The following HTR1F variants were observed in gnomAD, a reference collection of about 807,000 sequenced individuals.
The protein encoded by HTR1F is 5-hydroxytryptamine receptor 1F.
In HTR1F, 17 loss-of-function variants were observed where a neutral mutation model predicts 24.0. The ratio of observed to expected loss-of-function variants is 0.71; its 90% CI spans 0.48 to 1.06. HTR1F has a LOEUF of 1.06. HTR1F is among the 50% of genes least tolerant of loss of function. The pLI, the probability that HTR1F is intolerant of heterozygous loss-of-function variation, is 0.00. For missense variants in HTR1F, 391 were observed against 427.8 expected, an observed-to-expected ratio of 0.91 and a Z score of 0.76; for synonymous variants, 186 against 156.8, an observed-to-expected ratio of 1.19 and a Z score of -1.39.
At chr3:87,793,887 G>A (rs781123272) in intron 1 of HTR1F, among the ~76,000 whole-genome samples, 4 of 151,636 alleles carry the variant, frequency 2.6e-5, no homozygotes, top group Non-Finnish European at 4.4e-5. Context: ...GACATAAGCA[G>A]GTGGCATTAA....
chr3:87,913,245 A>C (rs997173350), intron 2 of HTR1F, among the ~76,000 whole-genome samples: 3 of 152,176 alleles, frequency 2.0e-5, no homozygotes, highest in Non-Finnish European at 4.4e-5. Flanking sequence ...ATTAAAAGAC[A>C]GAAAATAGCC....
At position 87,990,847 on chromosome 3, in the gene HTR1F, T is replaced by G; in HGVS notation, c.98T>G (p.Leu33Arg). 6.2e-7 allele frequency: 1 copy of G among 1,614,230 alleles called. No homozygotes were observed. The highest frequency in any genetic ancestry group is 8.5e-7 in the Non-Finnish European group (1 of 1,180,030). Residue 33 changes from leucine to arginine, a missense_variant, in exon 3 of 3, where the codon CTG becomes CGG. Coordinates refer to ENST00000319595, the MANE Select transcript of HTR1F (RefSeq NM_001322209.2). ...KILVSLTLSG[L>R]ALMTTTINSL... ...CTGGTGTCCCTCACTCTGTCTGGGC[T>G]GGCACTGATGACAACAACTATCAAC...
At position 87,882,515 on chromosome 3, in the gene HTR1F, T is replaced by A. The variant is rs555389265; in HGVS notation, c.-43+60391T>A. ...AATGTGGCACATATACACCATGGAA[T>A]ACTATGCAGCCATAAAGAATGATGA... On this transcript the variant is annotated intron_variant, in intron 2 of 2. Transcript: ENST00000319595. Among the ~76,000 whole-genome samples, 7 of 152,148 alleles carry A rather than the reference T, an allele frequency of 4.6e-5. No individual in the cohort carries two copies. In the East Asian group the frequency reaches 1.2e-3, roughly 25 times the overall value.
chr3:87,987,779 G>C (rs1469454117), intron 2 of HTR1F, among the ~76,000 whole-genome samples: 1 of 126,792 alleles, frequency 7.9e-6, no homozygotes, highest in African/African-American at 3.2e-5. Flanking sequence ...TTTTATATAT[G>C]TATTTTATAT....
intron 2 of HTR1F, among the ~76,000 whole-genome samples, chr3:87,914,072 A>G (rs1179293847): frequency 2.0e-5 from 3 of 152,158 alleles, no homozygotes; most frequent in Non-Finnish European, 4.4e-5. Context: ...GAAGTGGGAA[A>G]GGGAGATGGT....
intron 2 of HTR1F, among the ~76,000 whole-genome samples, chr3:87,962,456 A>G (rs1254116309): frequency 6.6e-6 from 1 of 152,058 alleles, no homozygotes; most frequent in African/African-American, 2.4e-5. Flanking sequence ...AAATTTATGC[A>G]CAACAGAGAC....
chr3:87,879,495 A>C (rs550276551), intron 2 of HTR1F, among the ~76,000 whole-genome samples: 1 of 152,136 alleles, frequency 6.6e-6, no homozygotes, highest in African/African-American at 2.4e-5. Flanking sequence ...TTAGCCAAGA[A>C]TCTGCCCTAG....
At position 87,919,776 on chromosome 3, in the gene HTR1F, T is replaced by C. The variant is rs112918621; in HGVS notation, c.-42-70932T>C. On this transcript the variant is annotated intron_variant, in intron 2 of 2. Coordinates refer to ENST00000319595, the MANE Select transcript of HTR1F (RefSeq NM_001322209.2). ...CACTTCTACACTGCTGGTGGGAATATAAACTATTACAACCACTATGGAGTA... is the reference window on the plus strand; with the variant it reads ...CACTTCTACACTGCTGGTGGGAATACAAACTATTACAACCACTATGGAGTA... 4.5e-3 allele frequency among the ~76,000 whole-genome samples: 685 copies of C among 152,064 alleles called. 1 individual carries two copies. The highest frequency in any genetic ancestry group is 0.016 in the African/African-American group (662 of 41,484).
chr3:87,842,821 G>GA (rs1397224916), intron 2 of HTR1F, among the ~76,000 whole-genome samples: 2 of 151,882 alleles, frequency 1.3e-5, no homozygotes, highest in Admixed American at 1.3e-4. Flanking sequence ...ACTGCCCCAG[G>GA]AAAAAACAGA....
chr3:87,916,514 C>G, intron 2 of HTR1F, among the ~76,000 whole-genome samples: 1 of 151,954 alleles, frequency 6.6e-6, no homozygotes, highest in African/African-American at 2.4e-5. Flanking sequence ...CTCACATAAT[C>G]TTAAAGTAAA....
chr3:87,981,929 G>T (rs570643619), intron 2 of HTR1F, among the ~76,000 whole-genome samples: 92 of 129,966 alleles, frequency 7.1e-4, no homozygotes, highest in Non-Finnish European at 1.2e-3. Context: ...AAATAAGAAT[G>T]CCTTCTTCTT....
chr3:87,986,602 A>G (rs1705666701), intron 2 of HTR1F, among the ~76,000 whole-genome samples: 1 of 152,204 alleles, frequency 6.6e-6, no homozygotes, highest in African/African-American at 2.4e-5. Context: ...CAATTTTGCT[A>G]CATAATTAAC....
At chr3:87,881,047 GGT>G (rs1705783160) in intron 2 of HTR1F, among the ~76,000 whole-genome samples, 2 of 152,168 alleles carry the variant, frequency 1.3e-5, no homozygotes, top group South Asian at 4.1e-4. Context: ...TTCCAACTTA[GGT>G]ACTGGGTTCA....
At chr3:87,926,542 A>G (rs1430203597) in intron 2 of HTR1F, among the ~76,000 whole-genome samples, 3 of 152,180 alleles carry the variant, frequency 2.0e-5, no homozygotes, top group Non-Finnish European at 2.9e-5. Flanking sequence ...ACAAAGCATC[A>G]ATGCCTAATA....
chr3:87,926,653 G>A (rs1183233751), intron 2 of HTR1F, among the ~76,000 whole-genome samples: 3 of 152,010 alleles, frequency 2.0e-5, no homozygotes, highest in Non-Finnish European at 4.4e-5. Context: ...CTCATATAGT[G>A]TATACTGAAA....
At chr3:87,873,954 A>C (rs1316164972) in intron 2 of HTR1F, among the ~76,000 whole-genome samples, 5 of 152,132 alleles carry the variant, frequency 3.3e-5, no homozygotes, top group Admixed American at 2.0e-4. Flanking sequence ...ACTCAACAAA[A>C]TAGGAGTAGA....
intron 2 of HTR1F, among the ~76,000 whole-genome samples, chr3:87,860,550 G>C (rs1478998434): frequency 6.6e-6 from 1 of 151,994 alleles, no homozygotes; most frequent in African/African-American, 2.4e-5. Context: ...ATTCTTAGTT[G>C]ATTTGAAAAA....
At chr3:87,963,516 C>G (rs928626367) in intron 2 of HTR1F, among the ~76,000 whole-genome samples, 3 of 152,074 alleles carry the variant, frequency 2.0e-5, no homozygotes, top group African/African-American at 7.2e-5. Flanking sequence ...AACAATGAGC[C>G]ATTTGCTGTG....
chr3:87,922,318 G>A (rs1362037342), intron 2 of HTR1F, among the ~76,000 whole-genome samples: 3 of 151,582 alleles, frequency 2.0e-5, no homozygotes, highest in East Asian at 1.9e-4. Context: ...CCATTTATAG[G>A]TATTTTTTCA....
Sources: gnomAD v4.1 joint callset for allele counts (sites outside exome capture counted in the v4.1 genomes callset) on GRCh38, gnomAD v4.1.1 for gene constraint, MANE v1.5 for transcripts, NCBI Gene and HGNC (gene_info 2026-07-23, HGNC 2026-07-21) for gene names.